The following NPC1L1 variants were observed in gnomAD, a reference collection of about 807,000 sequenced individuals.
NPC1L1 encodes the protein NPC1 like intracellular cholesterol transporter 1, also known as NPC1-like intracellular cholesterol transporter 1.
NPC1L1 carries 98 observed loss-of-function variants against 117.0 expected under a neutral mutation model. The observed-to-expected ratio is 0.84, with a 90% CI of 0.71 to 0.99. NPC1L1 has a LOEUF of 0.99. Among genes scored for constraint, NPC1L1 ranks in the 50% least tolerant of loss-of-function variants. The pLI, the probability that NPC1L1 is intolerant of heterozygous loss-of-function variation, is 0.00. For synonymous variants in NPC1L1, 729 were observed against 727.6 expected (o/e 1.00, Z -0.03); for missense variants, 1,540 against 1,710.0 (o/e 0.90, Z 1.75).
At chr7:44,516,544 T>C (rs918300715) in intron 16 of NPC1L1, among the ~76,000 whole-genome samples, 159 bp downstream of exon 16, 1 of 152,132 alleles carries the variant, frequency 6.6e-6, no homozygotes, top group African/African-American at 2.4e-5. Context: ...GGTTCGAGGC[T>C]ACAGTGAGCT....
chr7:44,527,461 CAAAAAAAAAAAAAAAAA>C (rs1160435212), intron 10 of NPC1L1, among the ~76,000 whole-genome samples: 1 of 40,106 alleles, frequency 2.5e-5, no homozygotes, highest in Non-Finnish European at 4.9e-5. Context: ...AACAACTTCT[CAAAAAAAAAAAAAAAAA>C]AAAAAAAAGA....
chr7:44,531,341 C>G (rs1801693321), intron 10 of NPC1L1, among the ~76,000 whole-genome samples: 1 of 152,220 alleles, frequency 6.6e-6, no homozygotes, highest in South Asian at 2.1e-4. Context: ...TCATCACTTT[C>G]CTCTGCAAAT....
chr7:44,541,211 G>A lies in NPC1L1; in HGVS notation c.49C>T (p.Arg17Cys), dbSNP rs766146046. Residue 17 changes from arginine to cysteine, a missense_variant, in exon 1 of 19, where the codon CGC becomes TGC. By Grantham distance (180) the Arg-to-Cys change is radical. Coordinates refer to ENST00000381160, the MANE Select transcript of NPC1L1 (RefSeq NM_001101648.2). ...AGCCAAGCCCTGGGACTCACCAAGC[G>A]CAGGAGCAGGGCCCACAGCAGCCAG... Reference protein sequence around the residue: ...RGWLLWALLLRLAQSEPYTTI... With the variant: ...RGWLLWALLLCLAQSEPYTTI... The A allele has an allele frequency of 1.9e-5, 29 of 1,549,644 alleles. No individual in the cohort carries two copies. Among genetic ancestry groups the A allele is most frequent in the African/African-American group, 1.4e-4 (10 of 73,018 alleles).
In NPC1L1 at chr7:44,539,897, T is replaced by G. The variant is rs748593408; in HGVS notation, c.500A>C (p.Gln167Pro). ...CACACGGCTGCAGGAGTCATAGCTC[T>G]GCTCGGCAAAGCTATGCTGGTAGAA... ...EAFYQHSFAE[Q>P]SYDSCSRVRV... The change falls in exon 2 of 19, where the codon CAG (glutamine) becomes CCG (proline). Residue 167 changes from glutamine to proline, a missense_variant. By Grantham distance (76) the Gln-to-Pro change is moderately conservative. Transcript: ENST00000381160. This position sits in a 1 kb window ranked among gnomAD's most constrained non-coding sequence, Gnocchi z 4.4. The G allele has an allele frequency of 6.2e-7, 1 of 1,614,120 alleles. No individual in the cohort carries two copies. The highest frequency in any genetic ancestry group is 1.1e-5 in the South Asian group (1 of 91,078).
chr7:44,531,914 T>G, intron 9 of NPC1L1, 70 bp from the exon 10 acceptor site: 1 of 1,525,008 alleles, frequency 6.6e-7, no homozygotes, highest in Non-Finnish European at 8.9e-7. Context: ...CAAATTTAAG[T>G]CAGTCAGGGT....
intron 5 of NPC1L1, 76 bp downstream of exon 5, chr7:44,535,764 A>G: frequency 2.5e-6 from 4 of 1,604,900 alleles, no homozygotes; most frequent in Non-Finnish European, 8.5e-7. Context: ...TGTGGTTAGG[A>G]AAGTTGTAGA....
Position 44,536,793 on chromosome 7 carries a change from C to A in NPC1L1, c.1681+49G>T. Reference sequence around the variant, plus strand: ...CCACCCTCCCGTCTATGGTTCCTGCCCCAATACTGCATCTTCCTTGGCTTC... The same window carrying A: ...CCACCCTCCCGTCTATGGTTCCTGCACCAATACTGCATCTTCCTTGGCTTC... On this transcript the variant is annotated intron_variant, in intron 3 of 18. Coordinates refer to ENST00000381160, the MANE Select transcript of NPC1L1 (RefSeq NM_001101648.2). The surrounding 1 kb of genome is among the most constrained non-coding windows in gnomAD (Gnocchi z 4.7). 6.6e-7 allele frequency: 1 copy of A among 1,510,520 alleles called. No individual in the cohort carries two copies. The highest frequency in any genetic ancestry group is 1.4e-5 in the African/African-American group (1 of 72,876). The allele number at this position is 1,510,520 out of a possible 1,614,324, so 93.6% of individuals were successfully genotyped here. A position where few individuals can be genotyped will look rare whatever the true frequency, so the allele number is the denominator to read the frequency against.
At chr7:44,528,702 C>A (rs1801602133) in intron 10 of NPC1L1, among the ~76,000 whole-genome samples, 1 of 152,070 alleles carries the variant, frequency 6.6e-6, no homozygotes, top group African/African-American at 2.4e-5. Context: ...AAACAAATAG[C>A]AAAATGACAG....
chr7:44,517,774 C>T (rs1563201426), intron 14 of NPC1L1, among the ~76,000 whole-genome samples: 2 of 152,258 alleles, frequency 1.3e-5, no homozygotes, highest in South Asian at 4.1e-4. Flanking sequence ...AGAGCTGTGG[C>T]TTAGGGCTCC....
Position 44,515,929 on chromosome 7 carries a change from T to A in NPC1L1, c.3670A>T (p.Ile1224Phe), listed in dbSNP as rs755499322. 1.9e-6 allele frequency: 3 copies of A among 1,614,066 alleles called. No individual in the cohort carries two copies. In the African/African-American group the frequency reaches 4.0e-5, roughly 22 times the overall value. ...GCCTTGGCGAGGCCCAGGACAAGGA[T>A]GCCAGGCAGGTTGGTCATGGCCACA... Reference protein sequence around the residue: ...AGVAMTNLPGILVLGLAKAQL... With the variant: ...AGVAMTNLPGFLVLGLAKAQL... Residue 1224 changes from isoleucine to phenylalanine, a missense_variant, in exon 18 of 19, where the codon ATC (isoleucine) becomes TTC (phenylalanine). Physicochemically the swap from Ile to Phe is conservative, Grantham distance 21. Transcript: ENST00000381160.
intron 5 of NPC1L1, 35 bp downstream of exon 5, chr7:44,535,805 C>T (rs1216031355): frequency 6.2e-7 from 1 of 1,611,890 alleles, no homozygotes; most frequent in Non-Finnish European, 8.5e-7. Context: ...GGGTCCTGGG[C>T]TAGCCCACTT....
chr7:44,532,654 CTTATGAT>C (rs895775923), intron 8 of NPC1L1, among the ~76,000 whole-genome samples: 1 of 152,234 alleles, frequency 6.6e-6, no homozygotes, highest in Non-Finnish European at 1.5e-5. Flanking sequence ...TTTTCTCTTC[CTTATGAT>C]TTTCTTACTA....
At position 44,536,287 on chromosome 7, in the gene NPC1L1, GC is replaced by G; in HGVS notation, c.1822del (p.Ala608LeufsTer53). The G allele has an allele frequency of 6.2e-7, 1 of 1,614,140 alleles. No individual in the cohort carries two copies. The highest frequency in any genetic ancestry group is 1.7e-5 in the Admixed American group (1 of 60,030). ...CATGAACGTGACCTGGAACATGCCA[GC>G]CATCCGACGCTGGAAGGCTCGCATT... ...EEMRAFQRRM[A>X]GMFQVTFMAE... On this transcript the variant is annotated frameshift_variant, in exon 4 of 19. Coordinates refer to ENST00000381160, the MANE Select transcript of NPC1L1 (RefSeq NM_001101648.2). LOFTEE classifies it high-confidence loss of function. This position sits in a 1 kb window ranked among gnomAD's most constrained non-coding sequence, Gnocchi z 4.7.
At position 44,539,906 on chromosome 7, in the gene NPC1L1, A is replaced by G; in HGVS notation, c.491T>C (p.Phe164Ser). The G allele has an allele frequency of 6.2e-7, 1 of 1,614,144 alleles. No homozygotes were observed. Among genetic ancestry groups the G allele is most frequent in the Non-Finnish European group, 8.5e-7 (1 of 1,180,034 alleles). Residue 164 changes from phenylalanine to serine, a missense_variant, in exon 2 of 19, where the codon TTT becomes TCT. Transcript: ENST00000381160. This position sits in a 1 kb window ranked among gnomAD's most constrained non-coding sequence, Gnocchi z 4.4. ...VAYEAFYQHS[F>S]AEQSYDSCSR... ...GCAGGAGTCATAGCTCTGCTCGGCAAAGCTATGCTGGTAGAAGGCCTCATA... is the reference window on the plus strand; with the variant it reads ...GCAGGAGTCATAGCTCTGCTCGGCAGAGCTATGCTGGTAGAAGGCCTCATA...
chr7:44,515,978 G>A lies in NPC1L1; in HGVS notation c.3634-13C>T, dbSNP rs761393706. On this transcript the variant is annotated splice_polypyrimidine_tract_variant and intron_variant, in intron 17 of 18. Transcript: ENST00000381160. ...CACCTGCAAACACCTGGGGGGTTCA[G>A]AGCCAGGTGTCAGGCAGGGCACAGG... 18 of 1,613,392 alleles carry A rather than the reference G, an allele frequency of 1.1e-5. No individual in the cohort carries two copies. The highest frequency in any genetic ancestry group is 1.6e-4 in the Middle Eastern group (1 of 6,082).
chr7:44,515,229 C>T (rs1423567093), intron 18 of NPC1L1, among the ~76,000 whole-genome samples: 2 of 151,876 alleles, frequency 1.3e-5, no homozygotes, highest in African/African-American at 4.8e-5. Flanking sequence ...TGGTGTGCAC[C>T]TGTGGTCCCA....
chr7:44,532,510 T>C (rs1188131603), intron 8 of NPC1L1, among the ~76,000 whole-genome samples: 2 of 152,170 alleles, frequency 1.3e-5, no homozygotes, highest in African/African-American at 4.8e-5. Flanking sequence ...TGGATTCTCT[T>C]CCACCTCTGC....
chr7:44,516,647 C>G, intron 16 of NPC1L1, 56 bp downstream of exon 16: 2 of 1,368,108 alleles, frequency 1.5e-6, no homozygotes, highest in Non-Finnish European at 2.1e-6. Flanking sequence ...TTCTATGAGG[C>G]TGGATCCCCA....
In NPC1L1 at chr7:44,522,259, G is replaced by A. The variant is rs780893238; in HGVS notation, c.2638-17C>T. ...GTACGAGTCCTAGGAGTGGAGGAGG[G>A]TCAGTGAGCTTTGGTTCGCTATGCA... is the stretch of plus-strand genomic sequence containing the variant. On this transcript the variant is annotated splice_polypyrimidine_tract_variant and intron_variant, in intron 10 of 18. Coordinates refer to ENST00000381160, the MANE Select transcript of NPC1L1 (RefSeq NM_001101648.2). 1 of 1,609,008 alleles carries A rather than the reference G, an allele frequency of 6.2e-7. No individual in the cohort carries two copies. Among genetic ancestry groups the A allele is most frequent in the Non-Finnish European group, 8.5e-7 (1 of 1,178,124 alleles).
Sources: allele counts gnomAD v4.1 joint callset (sites outside exome capture counted in the v4.1 genomes callset), GRCh38; gene constraint gnomAD v4.1.1; non-coding constraint Gnocchi (gnomAD v3.1); transcripts MANE v1.5; gene names NCBI Gene and HGNC (gene_info 2026-07-23, HGNC 2026-07-21).